DUSP22: variants seen among roughly 807,000 people sequenced by gnomAD.
DUSP22 encodes the protein dual specificity protein phosphatase 22.
A neutral mutation model predicts 24.5 loss-of-function variants in DUSP22; 24 were observed. That is an observed-to-expected ratio of 0.98 (90% CI 0.71 to 1.38). DUSP22 has a LOEUF of 1.38. Ranked by LOEUF, DUSP22 falls within the 40% of genes most tolerant of loss-of-function variation. The probability of loss-of-function intolerance (pLI) is 0.00; values close to 1 mark genes in which losing one functional copy is unlikely to be tolerated. For missense variants in DUSP22, 330 were observed against 269.2 expected (o/e 1.23, Z -1.58); for synonymous variants, 160 against 106.4 (o/e 1.50, Z -3.10).
At chr6:333,935 C>T (rs1182824854) in intron 3 of DUSP22, among the ~76,000 whole-genome samples, 2 of 152,426 alleles carry the variant, frequency 1.3e-5, no homozygotes, top group Admixed American at 1.3e-4. Context: ...ATGTCAGGGG[C>T]TATTAAAATG....
intron 3 of DUSP22, 89 bp downstream of exon 3, chr6:312,051 T>C (rs1758134351): frequency 2.2e-6 from 3 of 1,361,324 alleles, no homozygotes; most frequent in Non-Finnish European, 3.0e-6. Context: ...CCAGGTTCTC[T>C]CCAATGCGAA....
rs1277281564 is a variant in DUSP22 at position 348,782 on chromosome 6, T to C, written c.449T>C (p.Leu150Pro). 4 of 1,614,306 alleles carry C rather than the reference T, an allele frequency of 2.5e-6. No individual in the cohort carries two copies. The South Asian group carries it at 3.3e-5, about 13-fold the overall frequency. Residue 150 changes from leucine to proline, a missense_variant, in exon 7 of 7, where the codon CTG becomes CCG. Leu to Pro is a moderately conservative substitution (Grantham distance 98, BLOSUM62 -3). Transcript: ENST00000419235. ...KHEVHQYRQW[L>P]KEEYGESPLQ... ...CATCCTCTCCAGTATCGGCAGTGGC[T>C]GAAGGAAGAATATGGAGAGAGCCCT...
intron 3 of DUSP22, among the ~76,000 whole-genome samples, chr6:316,455 A>G (rs1480622869): frequency 6.6e-6 from 1 of 152,308 alleles, no homozygotes; most frequent in Non-Finnish European, 1.5e-5. Context: ...CTGTGTGCTG[A>G]AAAGTGTTTC....
chr6:314,078 G>C (rs1237006352), intron 3 of DUSP22, among the ~76,000 whole-genome samples: 2 of 152,304 alleles, frequency 1.3e-5, no homozygotes, highest in Non-Finnish European at 2.9e-5. Context: ...TGCTTCAGCA[G>C]CTCCTTGTTT....
At chr6:327,270 T>C (rs958070279) in intron 3 of DUSP22, among the ~76,000 whole-genome samples, 5 of 152,300 alleles carry the variant, frequency 3.3e-5, no homozygotes, top group Non-Finnish European at 7.3e-5. Flanking sequence ...TTGCCTGTCA[T>C]GGTTTTCTGT....
chr6:334,101 G>C (rs1178273318), intron 3 of DUSP22, among the ~76,000 whole-genome samples: 1 of 152,310 alleles, frequency 6.6e-6, no homozygotes, highest in African/African-American at 2.4e-5. Context: ...GCGTTGCGTT[G>C]TAACTCCATC....
chr6:304,506 A>T (rs1757732321), intron 1 of DUSP22, 122 bp from the exon 2 acceptor site: 1 of 1,409,300 alleles, frequency 7.1e-7, no homozygotes, highest in Admixed American at 1.7e-5. Flanking sequence ...TCTGTCAGGG[A>T]GGTGCTGTAC....
chr6:345,636 G>T (rs111878679), intron 4 of DUSP22, among the ~76,000 whole-genome samples: 9 of 152,298 alleles, frequency 5.9e-5, no homozygotes, highest in African/African-American at 2.2e-4. Context: ...TGTTTAAAGT[G>T]ATTAAGCATT....
At chr6:311,282 T>G (rs140097036) in intron 2 of DUSP22, among the ~76,000 whole-genome samples, 1 of 152,424 alleles carries the variant, frequency 6.6e-6, no homozygotes, top group Non-Finnish European at 1.5e-5. Flanking sequence ...ACTGCTGTTA[T>G]ATTACAGAGG....
chr6:333,852 G>A (rs1759247412), intron 3 of DUSP22, among the ~76,000 whole-genome samples: 1 of 152,306 alleles, frequency 6.6e-6, no homozygotes, highest in South Asian at 2.1e-4. Context: ...GGCCAGGTGG[G>A]GAGTCCCTAA....
At chr6:294,670 T>G (rs1757246005) in intron 1 of DUSP22, among the ~76,000 whole-genome samples, 1 of 152,298 alleles carries the variant, frequency 6.6e-6, no homozygotes, top group Non-Finnish European at 1.5e-5. Flanking sequence ...AAGTCTAGTG[T>G]GTATTTTATG....
chr6:294,448 G>A (rs1189114172), intron 1 of DUSP22, among the ~76,000 whole-genome samples: 1 of 152,272 alleles, frequency 6.6e-6, no homozygotes, highest in Non-Finnish European at 1.5e-5. Context: ...AATATGATGC[G>A]AGCTATATAT....
At chr6:337,605 A>T (rs1305904180) in intron 4 of DUSP22, among the ~76,000 whole-genome samples, 2 of 152,308 alleles carry the variant, frequency 1.3e-5, no homozygotes, top group Non-Finnish European at 2.9e-5. Context: ...TTGGTGCTGA[A>T]GGACTAGCCC....
chr6:310,042 C>G (rs1216896465), intron 2 of DUSP22, among the ~76,000 whole-genome samples: 3 of 152,306 alleles, frequency 2.0e-5, no homozygotes, highest in Non-Finnish European at 4.4e-5. Context: ...CTCACTGCAA[C>G]CTCCGCCTCC....
chr6:318,447 T>G (rs955405790), intron 3 of DUSP22, among the ~76,000 whole-genome samples: 1 of 152,310 alleles, frequency 6.6e-6, no homozygotes, highest in Non-Finnish European at 1.5e-5. Context: ...GTGGCCCTCC[T>G]CCAGCAGCCA....
At chr6:302,469 T>C (rs1316987505) in intron 1 of DUSP22, among the ~76,000 whole-genome samples, 2 of 152,300 alleles carry the variant, frequency 1.3e-5, no homozygotes, top group African/African-American at 2.4e-5. Context: ...TGCCCACTGC[T>C]CTTGGGCTGC....
At chr6:310,017 G>T (rs1758001560) in intron 2 of DUSP22, among the ~76,000 whole-genome samples, 1 of 152,310 alleles carries the variant, frequency 6.6e-6, no homozygotes, top group Non-Finnish European at 1.5e-5. Flanking sequence ...CTGGAGTTCA[G>T]TGGGGCGATC....
At chr6:310,364 C>T (rs796913795) in intron 2 of DUSP22, among the ~76,000 whole-genome samples, 2 of 152,408 alleles carry the variant, frequency 1.3e-5, no homozygotes, top group African/African-American at 4.8e-5. Flanking sequence ...CCTGCTGGCC[C>T]CCTGTTTTGT....
At chr6:319,388 C>A (rs966877) in intron 3 of DUSP22, among the ~76,000 whole-genome samples, 2 of 152,306 alleles carry the variant, frequency 1.3e-5, no homozygotes, top group African/African-American at 4.8e-5. Flanking sequence ...TGTCCACGGC[C>A]GATTGGTACA....
Sources: gnomAD v4.1 joint callset for allele counts (sites outside exome capture counted in the v4.1 genomes callset) on GRCh38, gnomAD v4.1.1 for gene constraint, MANE v1.5 for transcripts, NCBI Gene and HGNC (gene_info 2026-07-23, HGNC 2026-07-21) for gene names.